Variants in EYS observed in about 807,000 individuals in gnomAD.
The protein encoded by EYS is EGF-like photoreceptor maintenance factor.
In EYS, 250 loss-of-function variants were observed where a neutral mutation model predicts 282.1. The ratio of observed to expected loss-of-function variants is 0.89; its 90% CI spans 0.80 to 0.98. The LOEUF (loss-of-function observed/expected upper bound fraction) is 0.98, where lower values mean the gene tolerates loss of function less well. Ranked by LOEUF, EYS falls within the 50% of genes least tolerant of loss-of-function variation. The pLI is 0.00. For synonymous variants in EYS, 1,355 were observed against 1,282.9 expected, an observed-to-expected ratio of 1.06 and a Z score of -1.20; for missense variants, 4,016 against 3,709.0, an observed-to-expected ratio of 1.08 and a Z score of -2.15.
intron 31 of EYS, among the ~76,000 whole-genome samples, chr6:64,160,344 G>A (rs901900667): frequency 6.6e-6 from 1 of 152,126 alleles, no homozygotes; most frequent in Non-Finnish European, 1.5e-5. Context: ...TCCAAGTTAG[G>A]TTATTCATTC....
intron 22 of EYS, among the ~76,000 whole-genome samples, chr6:64,776,613 T>C (rs1196953424): frequency 6.6e-6 from 1 of 152,082 alleles, no homozygotes; most frequent in African/African-American, 2.4e-5. Context: ...GCTATCTATA[T>C]GTACTATATT....
At chr6:64,589,745 T>C (rs1434525276) in intron 26 of EYS, among the ~76,000 whole-genome samples, 7 of 152,034 alleles carry the variant, frequency 4.6e-5, no homozygotes, top group Non-Finnish European at 1.0e-4. Context: ...CAAAAAACTT[T>C]AAATTTAAAA....
intron 7 of EYS, among the ~76,000 whole-genome samples, chr6:65,397,653 T>A (rs1463936038): frequency 6.6e-6 from 1 of 150,570 alleles, no homozygotes; most frequent in Non-Finnish European, 1.5e-5. Context: ...AATCCAGTCA[T>A]CCATTGATGG....
chr6:63,970,089 C>A (rs991097693), intron 35 of EYS, among the ~76,000 whole-genome samples: 1 of 152,190 alleles, frequency 6.6e-6, no homozygotes, highest in Non-Finnish European at 1.5e-5. Context: ...TAGCTGAGAA[C>A]TTTCCCTGGA....
At chr6:64,441,754 G>GAAC (rs1561996658) in intron 26 of EYS, among the ~76,000 whole-genome samples, 2 of 152,166 alleles carry the variant, frequency 1.3e-5, no homozygotes, top group East Asian at 3.9e-4. Flanking sequence ...CCCTGCACAA[G>GAAC]CTATCTCTGC....
At chr6:64,964,213 G>A (rs938621742) in intron 14 of EYS, among the ~76,000 whole-genome samples, 10 of 151,866 alleles carry the variant, frequency 6.6e-5, no homozygotes, top group Admixed American at 5.9e-4. Flanking sequence ...TAGGGCTCTC[G>A]ATATGTATTC....
In EYS at chr6:64,081,917, G is replaced by C; in HGVS notation, c.6510C>G (p.Asn2170Lys). 1.3e-6 allele frequency: 2 copies of C among 1,542,372 alleles called. No individual in the cohort carries two copies. Among genetic ancestry groups the C allele is most frequent in the South Asian group, 2.4e-5 (2 of 83,740 alleles). The change falls in exon 32 of 43, where the codon AAC becomes AAG. Residue 2170 changes from asparagine (N) to lysine (K), a missense_variant. Physicochemically the swap from Asn to Lys is moderately conservative, Grantham distance 94. Coordinates refer to ENST00000503581, the MANE Select transcript of EYS (RefSeq NM_001142800.2). ...TAGTCAAGTAGATGGTAACAGTTCT[G>C]TTATGTTCCTTCTCCAGGACAAACT... ...FLKFVLEKEH[N>K]RTVTIYLTIK...
chr6:65,228,240 G>T (rs978189639), intron 12 of EYS, among the ~76,000 whole-genome samples: 1 of 151,862 alleles, frequency 6.6e-6, no homozygotes, highest in Non-Finnish European at 1.5e-5. Flanking sequence ...TACAGAAAAA[G>T]CACTCAGATT....
chr6:65,186,110 TC>T (rs1315554073), intron 12 of EYS, among the ~76,000 whole-genome samples: 1 of 151,746 alleles, frequency 6.6e-6, no homozygotes, highest in Non-Finnish European at 1.5e-5. Context: ...AGATAATCTG[TC>T]TTAGATATTA....
chr6:63,872,483 T>TTTTG (rs964501413), intron 35 of EYS, among the ~76,000 whole-genome samples: 1 of 148,522 alleles, frequency 6.7e-6, no homozygotes. Context: ...TATGGTTTTT[T>TTTTG]TTTTTTTTTT....
Position 65,066,304 on chromosome 6 carries a change from C to G in EYS, c.2024-8577G>C, listed in dbSNP as rs1773745075. On this transcript the variant is annotated intron_variant, in intron 12 of 42. Transcript: ENST00000503581. ...AAGCTGTGAGTCATGTAAAAATTAT[C>G]TTTGATTGTACCTTTAGCAATTTTG... 2.6e-5 allele frequency among the ~76,000 whole-genome samples: 4 copies of G among 152,122 alleles called. No homozygotes were observed. The South Asian group carries it at 6.2e-4, about 24-fold the overall frequency.
intron 2 of EYS, among the ~76,000 whole-genome samples, chr6:65,510,614 T>C (rs1286454692): frequency 1.3e-5 from 2 of 152,210 alleles, no homozygotes; most frequent in African/African-American, 4.8e-5. Flanking sequence ...GTTTTTTTGA[T>C]GTAAAAGTCC....
chr6:64,097,725 C>A (rs959107091), intron 31 of EYS, among the ~76,000 whole-genome samples: 1 of 152,144 alleles, frequency 6.6e-6, no homozygotes, highest in African/African-American at 2.4e-5. Flanking sequence ...CCTTGCCCTG[C>A]TTTGGCTGAC....
chr6:63,864,181 C>T lies in EYS; in HGVS notation c.7228+5G>A. Reference sequence around the variant, plus strand: ...GCTCCATGTTTAATAATCAAATGCTCTTACCATCAGTGCAGAGGGGTCCAG... The same window carrying T: ...GCTCCATGTTTAATAATCAAATGCTTTTACCATCAGTGCAGAGGGGTCCAG... On this transcript the variant is annotated splice_donor_5th_base_variant and intron_variant, in intron 36 of 42. Transcript: ENST00000503581. 6.8e-7 allele frequency: 1 copy of T among 1,468,306 alleles called. No homozygotes were observed. Among genetic ancestry groups the T allele is most frequent in the Non-Finnish European group, 9.1e-7 (1 of 1,104,772 alleles). The allele number at this position is 1,468,306 out of a possible 1,614,324, so 91.0% of individuals were successfully genotyped here.
chr6:63,910,683 G>A (rs1008387389), intron 35 of EYS, among the ~76,000 whole-genome samples: 1 of 152,112 alleles, frequency 6.6e-6, no homozygotes, highest in African/African-American at 2.4e-5. Flanking sequence ...AAATCATGTT[G>A]ATATATTAGA....
intron 31 of EYS, among the ~76,000 whole-genome samples, chr6:64,093,394 T>C (rs906211779): frequency 6.6e-6 from 1 of 152,164 alleles, no homozygotes. Flanking sequence ...GAGCATGGAA[T>C]GTTCTTCTAT....
chr6:64,979,660 G>A (rs1435123162), intron 14 of EYS, among the ~76,000 whole-genome samples: 1 of 151,232 alleles, frequency 6.6e-6, no homozygotes, highest in Non-Finnish European at 1.5e-5. Context: ...AAATGATAAG[G>A]GGAATAAGTA....
At chr6:65,119,986 A>G (rs1215234103) in intron 12 of EYS, among the ~76,000 whole-genome samples, 4 of 151,764 alleles carry the variant, frequency 2.6e-5, no homozygotes, top group Admixed American at 2.0e-4. Flanking sequence ...CGTCTCTACT[A>G]AAAATACAAA....
chr6:65,666,070 C>CTT (rs554729212), intron 1 of EYS, among the ~76,000 whole-genome samples: 3 of 143,098 alleles, frequency 2.1e-5, no homozygotes, highest in African/African-American at 7.6e-5. Flanking sequence ...CAATTCAAAT[C>CTT]TTTTTTTTTT....
Sources: allele counts gnomAD v4.1 joint callset (sites outside exome capture counted in the v4.1 genomes callset), GRCh38; gene constraint gnomAD v4.1.1; transcripts MANE v1.5; gene names NCBI Gene and HGNC (gene_info 2026-07-23, HGNC 2026-07-21).